Variants in ANKHD1 observed in about 807,000 individuals in gnomAD.
ANKHD1 encodes the protein ankyrin repeat and KH domain containing 1.
ANKHD1 carries 31 observed loss-of-function variants against 230.5 expected under a neutral mutation model. The observed-to-expected ratio is 0.13, with a 90% CI of 0.10 to 0.18. The LOEUF (loss-of-function observed/expected upper bound fraction) is 0.18, where lower values mean the gene tolerates loss of function less well. Among genes scored for constraint, ANKHD1 ranks in the 10% least tolerant of loss-of-function variants. The pLI, the probability that ANKHD1 is intolerant of heterozygous loss-of-function variation, is 1.00. For missense variants in ANKHD1, 2,256 were observed against 3,071.3 expected, an observed-to-expected ratio of 0.73 and a Z score of 6.27; for synonymous variants, 1,074 against 1,117.6, an observed-to-expected ratio of 0.96 and a Z score of 0.78.
chr5:140,403,853 G>A (rs1165123966), intron 1 of ANKHD1, among the ~76,000 whole-genome samples: 1 of 152,098 alleles, frequency 6.6e-6, no homozygotes, highest in Non-Finnish European at 1.5e-5. Context: ...TAACAATCCC[G>A]GCTCTTGGAT....
chr5:140,482,763 C>A, intron 11 of ANKHD1, 96 bp downstream of exon 11: 1 of 1,290,076 alleles, frequency 7.8e-7, no homozygotes, highest in Non-Finnish European at 1.1e-6. Context: ...ACTTTACCTA[C>A]AGTAAAGTAT....
At chr5:140,445,160 A>G (rs1052287113) in intron 5 of ANKHD1, among the ~76,000 whole-genome samples, 1 of 150,622 alleles carries the variant, frequency 6.6e-6, no homozygotes, top group African/African-American at 2.4e-5. Context: ...GCACCTGGCC[A>G]GAAAATCTCT....
chr5:140,412,354 CATT>C (rs1771007639), intron 1 of ANKHD1, among the ~76,000 whole-genome samples: 1 of 152,140 alleles, frequency 6.6e-6, no homozygotes, highest in Admixed American at 6.5e-5. Context: ...TACAAGGTCT[CATT>C]ATGTTGTCCA....
chr5:140,405,017 G>A (rs1202537743), intron 1 of ANKHD1, among the ~76,000 whole-genome samples: 1 of 145,362 alleles, frequency 6.9e-6, no homozygotes, highest in Non-Finnish European at 1.5e-5. Context: ...GTGTGTGTAT[G>A]TGTAATGGTC....
Position 140,505,177 on chromosome 5 carries a change from A to C in ANKHD1, c.3206A>C (p.Glu1069Ala), listed in dbSNP as rs767031312. 1.9e-6 allele frequency: 3 copies of C among 1,614,186 alleles called. No individual in the cohort carries two copies. The South Asian group carries it at 3.3e-5, about 18-fold the overall frequency. Residue 1069 changes from glutamate to alanine, a missense_variant, in exon 17 of 34, where the codon GAA (glutamate) becomes GCA (alanine). This residue lies in a region of ANKHD1 where 63 missense variants were observed against 125.5 expected (regional missense o/e 0.50). Transcript: ENST00000360839. ...CTAGCTTGTGCAGGTGGTCATGAAG[A>C]ACTTGTATCTGTGCTCATTGCACGG... ...LTLACAGGHE[E>A]LVSVLIARDA...
intron 10 of ANKHD1, among the ~76,000 whole-genome samples, chr5:140,465,791 A>G (rs952104823): frequency 2.0e-5 from 3 of 152,182 alleles, no homozygotes; most frequent in Middle Eastern, 3.2e-3. Context: ...GACCTTCCCT[A>G]TCAGTTATAA....
chr5:140,457,718 C>T (rs992616529), intron 7 of ANKHD1, among the ~76,000 whole-genome samples: 4 of 151,606 alleles, frequency 2.6e-5, no homozygotes, highest in Admixed American at 6.6e-5. Context: ...GTCGGGGGAG[C>T]GGGGAGGGAA....
rs192886569 is a variant in ANKHD1 at position 140,514,800 on chromosome 5, G to A, written c.4317+1321G>A. Reference sequence around the variant, plus strand: ...AGGCTGGGCAACATAGTGAGACCTTGCCTCTACTAAAAGTTTAAAAAATTC... The same window carrying A: ...AGGCTGGGCAACATAGTGAGACCTTACCTCTACTAAAAGTTTAAAAAATTC... On this transcript the variant is annotated intron_variant, in intron 24 of 33. Coordinates refer to ENST00000360839, the MANE Select transcript of ANKHD1 (RefSeq NM_017747.3). Among the ~76,000 whole-genome samples the A allele has an allele frequency of 2.7e-3, 411 of 152,120 alleles. 4 individuals are homozygous for A. Among genetic ancestry groups the A allele is most frequent in the Non-Finnish European group, 5.0e-3 (338 of 67,996 alleles).
intron 2 of ANKHD1, among the ~76,000 whole-genome samples, chr5:140,437,484 C>G (rs1356975614): frequency 6.6e-6 from 1 of 152,224 alleles, no homozygotes; most frequent in Non-Finnish European, 1.5e-5. Context: ...AGGTGGATCA[C>G]TTGAGGTCAG....
rs1391422740 is a variant in ANKHD1 at position 140,438,599 on chromosome 5, A to G, written c.599A>G (p.Asn200Ser). The change falls in exon 3 of 34, where the codon AAT becomes AGT. Residue 200 changes from asparagine (N) to serine (S), a missense_variant. By Grantham distance (46) the Asn-to-Ser change is conservative. Around this residue, in one of 13 missense-constraint regions of ANKHD1, gnomAD observed 206 missense variants for 304.5 expected, o/e 0.68. Transcript: ENST00000360839. ...CGGATGAAAGCAGAAAACAGCCACA[A>G]TGCAGGACAAGTGGACACGTATGTG... Reference protein sequence around the residue: ...LTRMKAENSHNAGQVDTRSLA... With the variant: ...LTRMKAENSHSAGQVDTRSLA... 11 of 1,604,558 alleles carry G rather than the reference A, an allele frequency of 6.9e-6. No homozygotes were observed. Among genetic ancestry groups the G allele is most frequent in the Non-Finnish European group, 8.5e-6 (10 of 1,174,244 alleles).
chr5:140,491,092 G>GTATATA (rs377535904), intron 14 of ANKHD1, among the ~76,000 whole-genome samples: 82 of 102,408 alleles, frequency 8.0e-4, no homozygotes, highest in African/African-American at 2.6e-3. Flanking sequence ...GTGTGTGTGT[G>GTATATA]TATATATATA....
chr5:140,412,708 C>G (rs947455411), intron 1 of ANKHD1, among the ~76,000 whole-genome samples: 1 of 152,094 alleles, frequency 6.6e-6, no homozygotes. Context: ...TGTTATATTC[C>G]AATTATTTTG....
At chr5:140,457,110 T>C (rs1403119434) in intron 7 of ANKHD1, among the ~76,000 whole-genome samples, 1 of 152,180 alleles carries the variant, frequency 6.6e-6, no homozygotes, top group East Asian at 1.9e-4. Context: ...AAAATGCTCC[T>C]CATCACTGGC....
In ANKHD1 at chr5:140,436,280, T is replaced by C. The variant is rs183981997; in HGVS notation, c.460+23T>C. On this transcript the variant is annotated intron_variant, in intron 2 of 33. Coordinates refer to ENST00000360839, the MANE Select transcript of ANKHD1 (RefSeq NM_017747.3). ...CAGGTACTTTATTTTTTGTTTTATC[T>C]TTTTCATATCTTTAAAAGTCTAGAT... The C allele has an allele frequency of 5.4e-4, 816 of 1,512,220 alleles. 8 individuals carry two copies. In the East Asian group the frequency reaches 0.014, roughly 26 times the overall value. The allele number at this position is 1,512,220 out of a possible 1,614,324, so 93.7% of individuals were successfully genotyped here.
intron 10 of ANKHD1, among the ~76,000 whole-genome samples, chr5:140,467,005 T>C (rs1776141465): frequency 6.6e-6 from 1 of 152,170 alleles, no homozygotes; most frequent in Non-Finnish European, 1.5e-5. Context: ...GCCATTGTTC[T>C]AACATAATTA....
intron 10 of ANKHD1, 101 bp from the exon 11 acceptor site, chr5:140,482,479 T>C: frequency 7.7e-7 from 1 of 1,305,532 alleles, no homozygotes; most frequent in South Asian, 1.4e-5. Context: ...AATGAGTAAG[T>C]ATATTAAATC....
At position 140,513,292 on chromosome 5, in the gene ANKHD1, T is replaced by C. The variant is rs916167873; in HGVS notation, c.4201-71T>C. The stretch of plus-strand genomic sequence containing the variant: ...TTGAACTTTAACCTCTGGACTTTAA[T>C]GTGCTCATCAGCTTAAGTTTTATTT... On this transcript the variant is annotated intron_variant, in intron 23 of 33. Coordinates refer to ENST00000360839, the MANE Select transcript of ANKHD1 (RefSeq NM_017747.3). 4.9e-6 allele frequency: 7 copies of C among 1,435,180 alleles called. No homozygotes were observed. In the African/African-American group the frequency reaches 1.0e-4, roughly 21 times the overall value. The allele number at this position is 1,435,180 out of a possible 1,614,324, so 88.9% of individuals were successfully genotyped here. A position where few individuals can be genotyped will look rare whatever the true frequency, so the allele number is the denominator to read the frequency against.
chr5:140,478,730 C>G (rs1751099456), intron 10 of ANKHD1, among the ~76,000 whole-genome samples: 1 of 151,972 alleles, frequency 6.6e-6, no homozygotes, highest in South Asian at 2.1e-4. Flanking sequence ...CTGCAACATT[C>G]ACCTCCAAGG....
Position 140,505,113 on chromosome 5 carries a change from T to G in ANKHD1, c.3151-9T>G. 1 of 1,605,274 alleles carries G rather than the reference T, an allele frequency of 6.2e-7. No homozygotes were observed. On this transcript the variant is annotated splice_polypyrimidine_tract_variant and intron_variant, in intron 16 of 33. Coordinates refer to ENST00000360839, the MANE Select transcript of ANKHD1 (RefSeq NM_017747.3). ...AAAAAAATTTTAACTTATTTTTTTCTTCTCCTAGACTGAGAGCAATCATGA... is the reference window on the plus strand; with the variant it reads ...AAAAAAATTTTAACTTATTTTTTTCGTCTCCTAGACTGAGAGCAATCATGA...
Sources: allele counts gnomAD v4.1 joint callset (sites outside exome capture counted in the v4.1 genomes callset), GRCh38; gene constraint gnomAD v4.1.1; regional missense constraint gnomAD v4.1.1; transcripts MANE v1.5; gene names NCBI Gene and HGNC (gene_info 2026-07-23, HGNC 2026-07-21).